Variants in ATP11B observed in about 807,000 individuals in gnomAD.
ATP11B encodes ATPase phospholipid transporting 11B (putative).
Under a neutral mutation model 157.8 loss-of-function variants are expected in ATP11B, and 81 were observed. That is an observed-to-expected ratio of 0.51 (90% CI 0.43 to 0.62). The LOEUF (loss-of-function observed/expected upper bound fraction) is 0.62, where lower values mean the gene tolerates loss of function less well. Among genes scored for constraint, ATP11B ranks in the 20% least tolerant of loss-of-function variants. The probability of loss-of-function intolerance (pLI) is 0.00; values close to 1 mark genes in which losing one functional copy is unlikely to be tolerated. For missense variants in ATP11B, 1,165 were observed against 1,402.2 expected (o/e 0.83, Z 2.70); for synonymous variants, 451 against 469.4 (o/e 0.96, Z 0.51).
intron 1 of ATP11B, among the ~76,000 whole-genome samples, chr3:182,813,807 A>T (rs1716813592): frequency 6.6e-6 from 1 of 151,568 alleles, no homozygotes; most frequent in South Asian, 2.1e-4. Context: ...GGCTCATTGC[A>T]ACCTTGACCT....
intron 25 of ATP11B, among the ~76,000 whole-genome samples, chr3:182,892,022 A>G (rs565785048): frequency 2.0e-5 from 3 of 152,318 alleles, no homozygotes; most frequent in South Asian, 2.1e-4. Context: ...TATTTTTACT[A>G]TTAAGTCATT....
intron 1 of ATP11B, among the ~76,000 whole-genome samples, chr3:182,801,974 A>G (rs1327594949): frequency 2.0e-5 from 3 of 152,198 alleles, no homozygotes; most frequent in Non-Finnish European, 4.4e-5. Flanking sequence ...CTGTGGGGAG[A>G]AGAAATCAAA....
At chr3:182,876,806 G>T (rs1205746346) in intron 19 of ATP11B, among the ~76,000 whole-genome samples, 1 of 152,162 alleles carries the variant, frequency 6.6e-6, no homozygotes, top group African/African-American at 2.4e-5. Context: ...CATAACAATG[G>T]GGGTTAACTT....
chr3:182,839,864 C>T (rs1270609400), intron 7 of ATP11B, among the ~76,000 whole-genome samples: 1 of 152,182 alleles, frequency 6.6e-6, no homozygotes, highest in Non-Finnish European at 1.5e-5. Flanking sequence ...CCGCCCACTT[C>T]AGCCTCCCAA....
chr3:182,905,165 G>GT (rs887173182), intron 28 of ATP11B, among the ~76,000 whole-genome samples: 4 of 151,994 alleles, frequency 2.6e-5, no homozygotes, highest in African/African-American at 9.7e-5. Context: ...AGGCAAAATT[G>GT]TTTTTTATTC....
chr3:182,842,202 T>G, intron 8 of ATP11B, 80 bp downstream of exon 8: 1 of 993,468 alleles, frequency 1.0e-6, no homozygotes, highest in South Asian at 1.4e-5. Flanking sequence ...AAAGGGAGAT[T>G]ATGTAAATAA....
Position 182,879,535 on chromosome 3 carries a change from G to T in ATP11B, c.2292G>T (p.Val764=), listed in dbSNP as rs1370840858. ...EDHVIQHGLV[V]DGTSLSLALR... is the part of the protein sequence containing the mutation. ...ATGTGATTCAGCATGGGCTGGTAGT[G>T]GATGGGACCAGCCTATCTCTTGCAC... The change falls in exon 20 of 30, where the codon GTG becomes GTT. Residue 764 remains valine (V), a synonymous_variant. Transcript: ENST00000323116. 3.1e-6 allele frequency: 5 copies of T among 1,612,676 alleles called. No individual in the cohort carries two copies. Among genetic ancestry groups the T allele is most frequent in the Non-Finnish European group, 4.2e-6 (5 of 1,179,508 alleles).
intron 10 of ATP11B, among the ~76,000 whole-genome samples, chr3:182,855,324 T>C (rs1245535545): frequency 1.3e-5 from 2 of 152,124 alleles, no homozygotes; most frequent in East Asian, 3.8e-4. Context: ...TTTCAACAAA[T>C]GGTGCTAGAA....
intron 1 of ATP11B, among the ~76,000 whole-genome samples, chr3:182,812,759 G>C (rs1305932730): frequency 6.6e-6 from 1 of 152,146 alleles, no homozygotes; most frequent in African/African-American, 2.4e-5. Flanking sequence ...CCATTTTTAA[G>C]TGTACAGTTC....
chr3:182,810,271 GCAGC>G (rs1716573745), intron 1 of ATP11B, among the ~76,000 whole-genome samples: 10 of 152,136 alleles, frequency 6.6e-5, no homozygotes, highest in African/African-American at 2.4e-4. Context: ...GGTGGAGGTT[GCAGC>G]GAGCCGAGAT....
chr3:182,882,882 G>A (rs151253089), intron 21 of ATP11B, among the ~76,000 whole-genome samples: 133 of 152,214 alleles, frequency 8.7e-4, no homozygotes, highest in African/African-American at 3.1e-3. Flanking sequence ...GTGAGCAATC[G>A]ATTGTTATGA....
intron 8 of ATP11B, among the ~76,000 whole-genome samples, chr3:182,842,956 A>C (rs1278461406): frequency 1.3e-5 from 2 of 152,198 alleles, no homozygotes; most frequent in Non-Finnish European, 2.9e-5. Context: ...TCAGGTTTGC[A>C]GGCTTCTTAC....
At chr3:182,898,549 G>A in intron 27 of ATP11B, 58 bp from the exon 28 acceptor site, 2 of 1,422,488 alleles carry the variant, frequency 1.4e-6, no homozygotes, top group Non-Finnish European at 1.9e-6. Flanking sequence ...TTTATATGAT[G>A]TCCTGATTTA....
In ATP11B at chr3:182,859,365, A is replaced by T. The variant is rs771535895; in HGVS notation, c.1200+6A>T. The T allele has an allele frequency of 6.4e-7, 1 of 1,555,728 alleles. No homozygotes were observed. The highest frequency in any genetic ancestry group is 8.7e-7 in the Non-Finnish European group (1 of 1,150,516). ...TGAATGAAGAGCTTGGACAGGTGAA[A>T]ATGATCCTAATATTTTGTTTCTCTA... On this transcript the variant is annotated splice_donor_region_variant and intron_variant, in intron 12 of 29. Coordinates refer to ENST00000323116, the MANE Select transcript of ATP11B (RefSeq NM_014616.3).
At chr3:182,798,195 A>C (rs1352262020) in intron 1 of ATP11B, among the ~76,000 whole-genome samples, 3 of 152,220 alleles carry the variant, frequency 2.0e-5, no homozygotes, top group African/African-American at 7.2e-5. Flanking sequence ...TATCTCACTT[A>C]CTAGACTAGA....
chr3:182,900,821 G>A (rs548783193), intron 28 of ATP11B, among the ~76,000 whole-genome samples: 1 of 152,184 alleles, frequency 6.6e-6, no homozygotes, highest in Admixed American at 6.5e-5. Context: ...CGAGGCGGGT[G>A]GATGGCTTGA....
At chr3:182,827,986 G>T in intron 2 of ATP11B, 134 bp from the exon 3 acceptor site, 1 of 373,154 alleles carries the variant, frequency 2.7e-6, no homozygotes, top group Non-Finnish European at 4.9e-6. Context: ...AAGCCAGATG[G>T]TTTCTGTAGC....
intron 18 of ATP11B, among the ~76,000 whole-genome samples, chr3:182,873,353 TTG>T (rs1338578476): frequency 1.3e-5 from 2 of 152,192 alleles, no homozygotes; most frequent in South Asian, 2.1e-4. Context: ...TACTTTTTGG[TTG>T]TCCTTACGAG....
intron 20 of ATP11B, among the ~76,000 whole-genome samples, chr3:182,879,921 G>A (rs1027791468): frequency 6.6e-6 from 1 of 152,146 alleles, no homozygotes; most frequent in African/African-American, 2.4e-5. Context: ...CTAATGTTTC[G>A]CAAGTTAGCT....
Sources: allele counts gnomAD v4.1 joint callset (sites outside exome capture counted in the v4.1 genomes callset), GRCh38; gene constraint gnomAD v4.1.1; transcripts MANE v1.5; gene names NCBI Gene and HGNC (gene_info 2026-07-23, HGNC 2026-07-21).